Variants in TAX1BP1 observed in about 807,000 individuals in gnomAD.
TAX1BP1 encodes tax1-binding protein 1.
In TAX1BP1, 62 loss-of-function variants were observed where a neutral mutation model predicts 97.7. That is an observed-to-expected ratio of 0.63 (90% CI 0.52 to 0.78). The LOEUF (loss-of-function observed/expected upper bound fraction) is 0.78. TAX1BP1 is among the 30% of genes least tolerant of loss of function. TAX1BP1 has a pLI of 0.00. For synonymous variants in TAX1BP1, 340 were observed against 304.2 expected (o/e 1.12, Z -1.23); for missense variants, 867 against 916.1 (o/e 0.95, Z 0.69).
intron 9 of TAX1BP1, 152 bp downstream of exon 9, chr7:27,792,382 T>C: frequency 1.3e-6 from 1 of 765,090 alleles, no homozygotes; most frequent in Admixed American, 2.9e-5. Flanking sequence ...TTGTGACTTC[T>C]TGGCTTACAG....
intron 13 of TAX1BP1, among the ~76,000 whole-genome samples, chr7:27,814,086 G>A (rs1472160060): frequency 9.4e-5 from 14 of 148,804 alleles, no homozygotes; most frequent in Admixed American, 2.7e-4. Flanking sequence ...GTGAGCCACC[G>A]CACTTGGCCT....
intron 11 of TAX1BP1, among the ~76,000 whole-genome samples, chr7:27,795,334 A>G (rs780444455): frequency 1.1e-4 from 17 of 151,994 alleles, no homozygotes; most frequent in Non-Finnish European, 2.4e-4. Context: ...TTGGTGGGGT[A>G]TGGTGGCATG....
At chr7:27,780,994 T>G (rs1456529351) in intron 5 of TAX1BP1, among the ~76,000 whole-genome samples, 1 of 152,168 alleles carries the variant, frequency 6.6e-6, no homozygotes, top group African/African-American at 2.4e-5. Context: ...TAAATTTTTT[T>G]ACTTATTCCC....
rs781735230 is a variant in TAX1BP1, at chr7:27,769,794, A to G, written c.572A>G (p.His191Arg). The change falls in exon 5 of 17, where the codon CAT becomes CGT. Residue 191 changes from histidine (H) to arginine (R), a missense_variant. Physicochemically the swap from His to Arg is conservative, Grantham distance 29. This residue lies in a region of TAX1BP1 where 822 missense variants were observed against 851.4 expected (regional missense o/e 0.97). Coordinates refer to ENST00000396319, the MANE Select transcript of TAX1BP1 (RefSeq NM_006024.7). ...GGGAGAATGGAAAGAGAACTTAACC[A>G]TGAGAAAGAAAGATGTGACCAACTG... ...QVGRMERELN[H>R]EKERCDQLQA... 2.5e-6 allele frequency: 4 copies of G among 1,612,524 alleles called. No homozygotes were observed. In the East Asian group the frequency reaches 6.7e-5, roughly 27 times the overall value.
rs548834851 is a variant in TAX1BP1 at position 27,744,916 on chromosome 7, A to C, written c.-7-3602A>C. On this transcript the variant is annotated intron_variant, in intron 1 of 16. Coordinates refer to ENST00000396319, the MANE Select transcript of TAX1BP1 (RefSeq NM_006024.7). ...GACTTTATAATATACAGTTTACAGC[A>C]TAACACACATAAAGAAATTCTAGAG... 2.7e-4 allele frequency among the ~76,000 whole-genome samples: 41 copies of C among 152,378 alleles called. No individual in the cohort carries two copies. The South Asian group carries it at 8.5e-3, about 32-fold the overall frequency.
At chr7:27,776,935 A>G in intron 5 of TAX1BP1, among the ~76,000 whole-genome samples, 1 of 151,722 alleles carries the variant, frequency 6.6e-6, no homozygotes, top group East Asian at 1.9e-4. Flanking sequence ...AGTCCCATCC[A>G]GTATATATAT....
chr7:27,760,588 G>A (rs960836505), intron 3 of TAX1BP1, among the ~76,000 whole-genome samples: 5 of 151,796 alleles, frequency 3.3e-5, no homozygotes, highest in African/African-American at 1.2e-4. Context: ...TAGAGATGGG[G>A]TTTCACCGTG....
intron 5 of TAX1BP1, among the ~76,000 whole-genome samples, chr7:27,784,717 A>G (rs73073393): frequency 0.077 from 11,755 of 152,148 alleles, 655 homozygotes; most frequent in Middle Eastern, 0.12. Flanking sequence ...AAATAAACGA[A>G]TCATTGCTCA....
intron 5 of TAX1BP1, among the ~76,000 whole-genome samples, chr7:27,779,818 TTAGATTCC>T (rs1363869534): frequency 2.6e-5 from 4 of 152,202 alleles, no homozygotes; most frequent in African/African-American, 9.6e-5. Context: ...CTGCCCACCC[TTAGATTCC>T]TAGAGAATTT....
At chr7:27,746,970 G>C (rs553860274) in intron 1 of TAX1BP1, among the ~76,000 whole-genome samples, 40 of 152,192 alleles carry the variant, frequency 2.6e-4, no homozygotes, top group Non-Finnish European at 5.4e-4. Context: ...AAAAGAAACA[G>C]TTGTAAAAGC....
chr7:27,821,273 T>A lies in TAX1BP1; in HGVS notation c.2085+4235T>A, dbSNP rs73297540. ...GGCTTTTAAAATGTTATTAATGAGT[T>A]TAAAGAAATGTGTTTGTTCCATTTT... is the stretch of plus-strand genomic sequence containing the variant. On this transcript the variant is annotated intron_variant, in intron 15 of 16. Transcript: ENST00000396319. 6.4e-3 allele frequency among the ~76,000 whole-genome samples: 980 copies of A among 152,304 alleles called. 13 individuals carry two copies. The highest frequency in any genetic ancestry group is 0.023 in the African/African-American group (943 of 41,546).
chr7:27,803,314 AATT>A, intron 13 of TAX1BP1: 1 of 865,380 alleles, frequency 1.2e-6, no homozygotes, highest in Non-Finnish European at 1.6e-6. Flanking sequence ...AATTTCTAAA[AATT>A]ACGTGAAATG....
rs73297548 is a variant in TAX1BP1, at chr7:27,827,031, G to A, written c.2086-707G>A. Among the ~76,000 whole-genome samples the A allele has an allele frequency of 6.4e-3, 982 of 152,266 alleles. 13 individuals are homozygous for A. Among genetic ancestry groups the A allele is most frequent in the African/African-American group, 0.023 (946 of 41,556 alleles). On this transcript the variant is annotated intron_variant, in intron 15 of 16. Transcript: ENST00000396319. ...AAGCTTACAGTTATTAAATGAGAAC[G>A]TTTGGGACAATAATGCAGTCTGACA...
At chr7:27,781,047 AT>A (rs1789234812) in intron 5 of TAX1BP1, among the ~76,000 whole-genome samples, 1 of 152,128 alleles carries the variant, frequency 6.6e-6, no homozygotes, top group Non-Finnish European at 1.5e-5. Flanking sequence ...TTAAAAAAAA[AT>A]CACTAGTTTG....
At chr7:27,797,835 C>T (rs888932290) in intron 12 of TAX1BP1, among the ~76,000 whole-genome samples, 4 of 145,746 alleles carry the variant, frequency 2.7e-5, no homozygotes, top group Non-Finnish European at 6.0e-5. Flanking sequence ...AAAAACCTTC[C>T]TCAGGGTGCT....
At chr7:27,821,377 TC>T (rs1260507090) in intron 15 of TAX1BP1, among the ~76,000 whole-genome samples, 1 of 152,152 alleles carries the variant, frequency 6.6e-6, no homozygotes, top group African/African-American at 2.4e-5. Context: ...AAGCTTGTAA[TC>T]CCAGCACTTT....
At position 27,793,105 on chromosome 7, in the gene TAX1BP1, G is replaced by A; in HGVS notation, c.1303G>A (p.Val435Ile). ...DTLEHELRREVEDLKLRLQMA... is the reference protein window; with the variant it reads ...DTLEHELRREIEDLKLRLQMA... Reference sequence around the variant, plus strand: ...ACTGGAACACGAACTAAGAAGAGAAGTTGAAGATCTGAAACTCCGTCTTCA... The same window carrying A: ...ACTGGAACACGAACTAAGAAGAGAAATTGAAGATCTGAAACTCCGTCTTCA... Residue 435 changes from valine (V) to isoleucine (I), a missense_variant, in exon 10 of 17, where the codon GTT becomes ATT. This residue lies in a region of TAX1BP1 where 822 missense variants were observed against 851.4 expected (regional missense o/e 0.97). Transcript: ENST00000396319. The A allele has an allele frequency of 1.2e-6, 2 of 1,604,160 alleles. No individual in the cohort carries two copies. Among genetic ancestry groups the A allele is most frequent in the South Asian group, 1.1e-5 (1 of 88,444 alleles).
intron 1 of TAX1BP1, among the ~76,000 whole-genome samples, chr7:27,741,849 T>G (rs1787619540): frequency 6.6e-6 from 1 of 152,200 alleles, no homozygotes; most frequent in African/African-American, 2.4e-5. Context: ...TGGGTGTTTC[T>G]CCGAGAGGGG....
intron 5 of TAX1BP1, 126 bp downstream of exon 5, chr7:27,769,960 C>T (rs188503644): frequency 2.1e-4 from 175 of 826,240 alleles, no homozygotes; most frequent in East Asian, 1.9e-3. Context: ...TTTAGATAGA[C>T]GTTTATACAA....
Sources: gnomAD v4.1 joint callset for allele counts (sites outside exome capture counted in the v4.1 genomes callset) on GRCh38, gnomAD v4.1.1 for gene constraint, gnomAD v4.1.1 regional missense constraint, MANE v1.5 for transcripts, NCBI Gene and HGNC (gene_info 2026-07-23, HGNC 2026-07-21) for gene names.